The following RIT2 variants were observed in gnomAD, a reference collection of about 807,000 sequenced individuals.
RIT2 encodes GTP-binding protein Rit2.
In RIT2, 24 loss-of-function variants were observed where a neutral mutation model predicts 23.7. The ratio of observed to expected loss-of-function variants is 1.01; its 90% CI spans 0.73 to 1.43. The LOEUF (loss-of-function observed/expected upper bound fraction) is 1.43, where lower values mean the gene tolerates loss of function less well. Among genes scored for constraint, RIT2 ranks in the 40% most tolerant of loss-of-function variants. RIT2 has a pLI of 0.00. For missense variants in RIT2, 236 were observed against 266.9 expected (o/e 0.88, Z 0.81); for synonymous variants, 107 against 91.1 (o/e 1.17, Z -0.99).
intron 4 of RIT2, among the ~76,000 whole-genome samples, chr18:42,887,024 T>G (rs557273819): frequency 6.6e-6 from 1 of 152,112 alleles, no homozygotes; most frequent in Non-Finnish European, 1.5e-5. Flanking sequence ...AATTATGAGG[T>G]GGACAGAGTA....
intron 4 of RIT2, among the ~76,000 whole-genome samples, chr18:42,766,565 A>G (rs1011320718): frequency 6.6e-6 from 1 of 152,232 alleles, no homozygotes. Context: ...GAAAATTAGC[A>G]GCCTGACTAT....
chr18:43,061,202 C>T (rs1912636625), intron 1 of RIT2, among the ~76,000 whole-genome samples: 6 of 152,038 alleles, frequency 3.9e-5, no homozygotes, highest in Admixed American at 3.3e-4. Flanking sequence ...TATTTATTGG[C>T]TCTCTAAGAC....
chr18:42,775,907 A>G (rs1483735089), intron 4 of RIT2, among the ~76,000 whole-genome samples: 1 of 151,866 alleles, frequency 6.6e-6, no homozygotes, highest in Non-Finnish European at 1.5e-5. Context: ...ACATACACAC[A>G]CTTTCATACT....
chr18:43,014,991 C>T (rs1911439535), intron 2 of RIT2, among the ~76,000 whole-genome samples: 1 of 151,384 alleles, frequency 6.6e-6, no homozygotes, highest in Admixed American at 6.6e-5. Context: ...ATATGTATTA[C>T]AAAATGAGGC....
intron 1 of RIT2, among the ~76,000 whole-genome samples, chr18:43,067,286 G>T (rs181619331): frequency 1.3e-5 from 2 of 152,158 alleles, no homozygotes; most frequent in East Asian, 3.9e-4. Context: ...AAACAAGAAC[G>T]TTGACAAAAG....
chr18:42,861,061 G>A (rs2144049365), intron 4 of RIT2, among the ~76,000 whole-genome samples: 1 of 152,252 alleles, frequency 6.6e-6, no homozygotes, highest in South Asian at 2.1e-4. Flanking sequence ...TAACAGACCT[G>A]ATCTTTCTCA....
chr18:43,034,638 C>T (rs1316290973), intron 1 of RIT2, among the ~76,000 whole-genome samples: 2 of 152,140 alleles, frequency 1.3e-5, no homozygotes, highest in African/African-American at 4.8e-5. Context: ...TGTTAACAGA[C>T]TCTCTCCTTG....
chr18:42,796,901 C>T (rs1316511154), intron 4 of RIT2, among the ~76,000 whole-genome samples: 1 of 152,052 alleles, frequency 6.6e-6, no homozygotes, highest in East Asian at 1.9e-4. Context: ...CAGAAGAGCT[C>T]AGGATATCAG....
At chr18:43,094,028 C>A (rs1913486689) in intron 1 of RIT2, among the ~76,000 whole-genome samples, 1 of 151,140 alleles carries the variant, frequency 6.6e-6, no homozygotes, top group Non-Finnish European at 1.5e-5. Flanking sequence ...ATTCAATAAT[C>A]TAGAAAAATT....
chr18:42,745,336 T>C (rs1032114556), intron 4 of RIT2, among the ~76,000 whole-genome samples: 31 of 152,192 alleles, frequency 2.0e-4, no homozygotes, highest in African/African-American at 7.5e-4. Context: ...TTGTTTGTAA[T>C]CAGGGCAGAA....
At chr18:42,766,080 T>C (rs73484670) in intron 4 of RIT2, among the ~76,000 whole-genome samples, 2,667 of 152,248 alleles carry the variant, frequency 0.018, 72 homozygotes, top group African/African-American at 0.058. Context: ...ATCAGCAGCA[T>C]TGAAAACGAA....
In RIT2 at chr18:42,816,437, G is replaced by A. The variant is rs538261235; in HGVS notation, c.427-72717C>T. On this transcript the variant is annotated intron_variant, in intron 4 of 4. Transcript: ENST00000326695. ...TCAAATAGTATTGTTATTGAAGTGC[G>A]CATAGATAAGTAAAATGCAACACTG... Among the ~76,000 whole-genome samples the A allele has an allele frequency of 1.5e-4, 23 of 152,254 alleles. No homozygotes were observed. The South Asian group carries it at 3.7e-3, about 25-fold the overall frequency.
intron 4 of RIT2, among the ~76,000 whole-genome samples, chr18:42,852,587 G>C (rs1907082703): frequency 6.6e-6 from 1 of 152,122 alleles, no homozygotes; most frequent in Admixed American, 6.5e-5. Context: ...AAACTAAATG[G>C]AAGTGGAAGT....
intron 4 of RIT2, among the ~76,000 whole-genome samples, chr18:42,880,010 T>C (rs1366484491): frequency 1.3e-5 from 2 of 152,194 alleles, no homozygotes; most frequent in Non-Finnish European, 2.9e-5. Flanking sequence ...TTGTAATATA[T>C]AGTCACCCAA....
At chr18:42,746,437 A>G (rs1912918172) in intron 4 of RIT2, among the ~76,000 whole-genome samples, 1 of 152,160 alleles carries the variant, frequency 6.6e-6, no homozygotes, top group Non-Finnish European at 1.5e-5. Context: ...ATGGAAATTT[A>G]CACATGAAGA....
rs538357195 is a variant in RIT2 at position 43,064,925 on chromosome 18, T to G, written c.104-31058A>C. Among the ~76,000 whole-genome samples, 181 of 152,262 alleles carry G rather than the reference T, an allele frequency of 1.2e-3. 1 individual carries two copies. The highest frequency in any genetic ancestry group is 4.1e-3 in the African/African-American group (171 of 41,556). ...TCCACCTCCTGGGTTCAAGCAATTCTCCTGCCTCAGCCTCTCCAGTAGCTG... is the reference window on the plus strand; with the variant it reads ...TCCACCTCCTGGGTTCAAGCAATTCGCCTGCCTCAGCCTCTCCAGTAGCTG... On this transcript the variant is annotated intron_variant, in intron 1 of 4. Coordinates refer to ENST00000326695, the MANE Select transcript of RIT2 (RefSeq NM_002930.4).
chr18:42,884,222 AT>A (rs565612614), intron 4 of RIT2, among the ~76,000 whole-genome samples: 63 of 152,296 alleles, frequency 4.1e-4, no homozygotes, highest in African/African-American at 1.5e-3. Flanking sequence ...TGAACTTTAA[AT>A]ATATTCTAAG....
rs190242405 is a variant in RIT2 at position 42,994,796 on chromosome 18, C to A, written c.161-20649G>T. Among the ~76,000 whole-genome samples, 381 of 152,300 alleles carry A rather than the reference C, an allele frequency of 2.5e-3. 3 individuals carry two copies. The highest frequency in any genetic ancestry group is 1.7e-3 in the Non-Finnish European group (113 of 68,032). On this transcript the variant is annotated intron_variant, in intron 2 of 4. Coordinates refer to ENST00000326695, the MANE Select transcript of RIT2 (RefSeq NM_002930.4). ...CCTCAAAATCACAAACTATGCTCAA[C>A]TTACTCTCTACAGCTCTCATAATTT... is the stretch of plus-strand genomic sequence containing the variant.
chr18:42,910,019 G>A (rs770263069), intron 4 of RIT2, among the ~76,000 whole-genome samples: 4 of 152,072 alleles, frequency 2.6e-5, no homozygotes, highest in African/African-American at 4.8e-5. Flanking sequence ...TTGAAGTAAG[G>A]TTTTTATACT....
Sources: allele counts gnomAD v4.1 joint callset (sites outside exome capture counted in the v4.1 genomes callset), GRCh38; gene constraint gnomAD v4.1.1; transcripts MANE v1.5; gene names NCBI Gene and HGNC (gene_info 2026-07-23, HGNC 2026-07-21).